Variants in SGPL1 observed in about 807,000 individuals in gnomAD.
SGPL1 encodes the protein SP-lyase 1.
Under a neutral mutation model 68.9 loss-of-function variants are expected in SGPL1, and 37 were observed. The ratio of observed to expected loss-of-function variants is 0.54; its 90% CI spans 0.41 to 0.71. The LOEUF (loss-of-function observed/expected upper bound fraction) is 0.71, where lower values mean the gene tolerates loss of function less well. Ranked by LOEUF, SGPL1 falls within the 30% of genes least tolerant of loss-of-function variation. The pLI is 0.00. For missense variants in SGPL1, 551 were observed against 704.6 expected, an observed-to-expected ratio of 0.78 and a Z score of 2.47; for synonymous variants, 236 against 248.5, an observed-to-expected ratio of 0.95 and a Z score of 0.47.
rs572310553 is a variant in SGPL1, at chr10:70,818,969, G to A, written c.27+2089G>A. On this transcript the variant is annotated intron_variant, in intron 2 of 14. Coordinates refer to ENST00000373202, the MANE Select transcript of SGPL1 (RefSeq NM_003901.4). The stretch of plus-strand genomic sequence containing the variant: ...TTTATCACCCAGAAATAACCGCTGT[G>A]AGCATCTTGGATGGTTAATGCAGAG... Among the ~76,000 whole-genome samples, 9 of 152,304 alleles carry A rather than the reference G, an allele frequency of 5.9e-5. No homozygotes were observed. In the East Asian group the frequency reaches 1.7e-3, roughly 29 times the overall value.
intron 3 of SGPL1, 122 bp from the exon 4 acceptor site, chr10:70,851,021 A>G: frequency 1.4e-6 from 1 of 733,576 alleles, no homozygotes; most frequent in Non-Finnish European, 2.3e-6. Flanking sequence ...AAATTTTTTA[A>G]ACGAAAGAAA....
chr10:70,875,583 T>G, intron 13 of SGPL1, 35 bp downstream of exon 13: 1 of 1,577,868 alleles, frequency 6.3e-7, no homozygotes, highest in Non-Finnish European at 8.6e-7. Flanking sequence ...CTTATTTTGC[T>G]CCATGATTTT....
At chr10:70,862,743 A>C (rs1846098116) in intron 7 of SGPL1, among the ~76,000 whole-genome samples, 4 of 152,118 alleles carry the variant, frequency 2.6e-5, no homozygotes, top group African/African-American at 7.2e-5. Context: ...CTCCTGAGCC[A>C]GCGAGACCAC....
chr10:70,848,055 A>G (rs190740859), intron 3 of SGPL1, among the ~76,000 whole-genome samples: 27 of 152,294 alleles, frequency 1.8e-4, no homozygotes, highest in African/African-American at 5.5e-4. Flanking sequence ...CTTTTACTTT[A>G]ATGCTGATTT....
At chr10:70,874,596 G>A (rs892219474) in intron 12 of SGPL1, among the ~76,000 whole-genome samples, 2 of 152,142 alleles carry the variant, frequency 1.3e-5, no homozygotes, top group Non-Finnish European at 2.9e-5. Flanking sequence ...GGTGGCGCAT[G>A]CCTGTAATCC....
chr10:70,826,451 TGAAGAG>T (rs1252093932), intron 2 of SGPL1, among the ~76,000 whole-genome samples: 1 of 152,208 alleles, frequency 6.6e-6, no homozygotes, highest in Non-Finnish European at 1.5e-5. Flanking sequence ...GTTTCATTCA[TGAAGAG>T]GAAGAGGAAA....
At chr10:70,822,522 G>A (rs1303704131) in intron 2 of SGPL1, among the ~76,000 whole-genome samples, 2 of 152,210 alleles carry the variant, frequency 1.3e-5, no homozygotes, top group Non-Finnish European at 2.9e-5. Context: ...AATTTCCATA[G>A]GGAATTGATG....
rs1845684199 is a variant in SGPL1, at chr10:70,839,545, CTAGA to C, written c.28-4925_28-4922del. Among the ~76,000 whole-genome samples, 3 of 152,102 alleles carry C rather than the reference CTAGA, an allele frequency of 2.0e-5. No homozygotes were observed. In the South Asian group the frequency reaches 6.2e-4, roughly 32 times the overall value. ...CTGTATTGTTCTTGTGTTTCTTCTT[CTAGA>C]TAAAGACATAAAGATTGATGAAATA... On this transcript the variant is annotated intron_variant, in intron 2 of 14. Coordinates refer to ENST00000373202, the MANE Select transcript of SGPL1 (RefSeq NM_003901.4).
rs1160200682 is a variant in SGPL1, at chr10:70,880,787, T to C, written c.*3452T>C. On this transcript the variant is annotated 3_prime_UTR_variant, in exon 15 of 15. Transcript: ENST00000373202. ...ACAGTTTTCTGCCAAATGGCCTAGTTCCTGAGTACCTGGAAACCAGAGAGA... is the reference window on the plus strand; with the variant it reads ...ACAGTTTTCTGCCAAATGGCCTAGTCCCTGAGTACCTGGAAACCAGAGAGA... 6.6e-6 allele frequency: 1 copy of C among 152,180 alleles called. No homozygotes were observed. The highest frequency in any genetic ancestry group is 1.5e-5 in the Non-Finnish European group (1 of 68,044). The allele number at this position is 152,180 out of a possible 1,614,324, so 9.4% of individuals were successfully genotyped here.
chr10:70,829,304 T>G (rs1348519947), intron 2 of SGPL1, among the ~76,000 whole-genome samples: 2 of 152,148 alleles, frequency 1.3e-5, no homozygotes, highest in African/African-American at 2.4e-5. Flanking sequence ...AACTGAGAAA[T>G]AGCTCATTAC....
chr10:70,879,741 C>T lies in SGPL1; in HGVS notation c.*2406C>T, dbSNP rs183043323. 6.5e-6 allele frequency: 1 copy of T among 152,698 alleles called. No individual in the cohort carries two copies. Among genetic ancestry groups the T allele is most frequent in the Admixed American group, 6.5e-5 (1 of 15,294 alleles). 9.5% of individuals were successfully genotyped at this position (152,698 alleles called of 1,614,324 possible). ...GACCTACTGTAGCCACTTTAATTTA[C>T]AATTAAGAGCCTTAGTTTGACTTAA... is the stretch of plus-strand genomic sequence containing the variant. On this transcript the variant is annotated 3_prime_UTR_variant, in exon 15 of 15. Transcript: ENST00000373202.
intron 2 of SGPL1, among the ~76,000 whole-genome samples, chr10:70,832,389 G>T (rs1029764593): frequency 6.6e-6 from 1 of 152,166 alleles, no homozygotes; most frequent in Non-Finnish European, 1.5e-5. Context: ...TCTAATAGCA[G>T]CATGACTGTT....
chr10:70,865,596 GA>G (rs1404608597), intron 7 of SGPL1, among the ~76,000 whole-genome samples: 3 of 152,168 alleles, frequency 2.0e-5, no homozygotes, highest in Non-Finnish European at 4.4e-5. Flanking sequence ...TTCTAGTGAA[GA>G]AAGAGTTCAC....
At position 70,854,863 on chromosome 10, in the gene SGPL1, G is replaced by A. The variant is rs371801869; in HGVS notation, c.409+8G>A. 143 of 1,592,404 alleles carry A rather than the reference G, an allele frequency of 9.0e-5. No homozygotes were observed. The African/African-American group carries it at 1.7e-3, about 19-fold the overall frequency. ...AGGAGTACAGCTCTATGGGTATGAT[G>A]CTTGGCATATACATGCTCTCTACTT... On this transcript the variant is annotated splice_region_variant and intron_variant, in intron 5 of 14. Transcript: ENST00000373202.
Position 70,861,956 on chromosome 10 carries a change from C to T in SGPL1, c.615+2457C>T, listed in dbSNP as rs548214147. On this transcript the variant is annotated intron_variant, in intron 7 of 14. Coordinates refer to ENST00000373202, the MANE Select transcript of SGPL1 (RefSeq NM_003901.4). ...CCGTGGGCTCCTGTGTGGCCCCAGC[C>T]TCCTTGACGAGCGCCACTCCCTGCT... is the stretch of plus-strand genomic sequence containing the variant. 2.6e-5 allele frequency among the ~76,000 whole-genome samples: 4 copies of T among 152,360 alleles called. No homozygotes were observed. The East Asian group carries it at 7.7e-4, about 30-fold the overall frequency.
intron 4 of SGPL1, among the ~76,000 whole-genome samples, chr10:70,853,845 A>T (rs1331516510): frequency 2.0e-5 from 3 of 152,198 alleles, no homozygotes; most frequent in Admixed American, 1.3e-4. Flanking sequence ...GATACATTAG[A>T]GTCTTCCTGG....
chr10:70,820,304 A>G (rs549866188), intron 2 of SGPL1: 2 of 152,116 alleles, frequency 1.3e-5, no homozygotes, highest in East Asian at 1.9e-4. Flanking sequence ...ACCCCTGGTA[A>G]GGGTAGAGGT....
At chr10:70,875,822 A>T (rs1283937013) in intron 13 of SGPL1, among the ~76,000 whole-genome samples, 1 of 152,182 alleles carries the variant, frequency 6.6e-6, no homozygotes, top group Non-Finnish European at 1.5e-5. Flanking sequence ...TCTACTCTCC[A>T]ATCCATCTTG....
chr10:70,820,691 C>G (rs1255470954), intron 2 of SGPL1, among the ~76,000 whole-genome samples: 4 of 151,904 alleles, frequency 2.6e-5, no homozygotes, highest in African/African-American at 9.7e-5. Flanking sequence ...AAGAGAGTTG[C>G]TTGAACCCGG....
Sources: allele counts gnomAD v4.1 joint callset (sites outside exome capture counted in the v4.1 genomes callset), GRCh38; gene constraint gnomAD v4.1.1; transcripts MANE v1.5; gene names NCBI Gene and HGNC (gene_info 2026-07-23, HGNC 2026-07-21).